TRIP12: variants seen among roughly 807,000 people sequenced by gnomAD.
TRIP12 encodes thyroid hormone receptor interactor 12, also known as E3 ubiquitin-protein ligase TRIP12.
A neutral mutation model predicts 244.2 loss-of-function variants in TRIP12; 25 were observed. That is an observed-to-expected ratio of 0.10 (90% confidence interval 0.07 to 0.14). The LOEUF (loss-of-function observed/expected upper bound fraction) is 0.14. Ranked by LOEUF, TRIP12 falls within the 10% of genes least tolerant of loss-of-function variation. TRIP12 has a pLI of 1.00. For missense variants in TRIP12, 1,677 were observed against 2,486.4 expected, an observed-to-expected ratio of 0.67 and a Z score of 6.92; for synonymous variants, 905 against 873.1, an observed-to-expected ratio of 1.04 and a Z score of -0.64.
intron 1 of TRIP12, among the ~76,000 whole-genome samples, chr2:229,888,576 A>C (rs1309750716): frequency 6.6e-6 from 1 of 152,116 alleles, no homozygotes; most frequent in African/African-American, 2.4e-5. Flanking sequence ...AAAACTCAAA[A>C]ATGTCCATCA....
intron 27 of TRIP12, 150 bp from the exon 28 acceptor site, chr2:229,792,376 G>C: frequency 1.3e-6 from 1 of 777,062 alleles, no homozygotes; most frequent in Non-Finnish European, 2.1e-6. Flanking sequence ...AAGTGTTTTA[G>C]ATTTCAAATT....
chr2:229,901,227 C>G (rs1002340128), intron 1 of TRIP12, among the ~76,000 whole-genome samples: 1 of 151,836 alleles, frequency 6.6e-6, no homozygotes, highest in Non-Finnish European at 1.5e-5. Flanking sequence ...AGCCACCACA[C>G]CCGGCTCAAT....
At chr2:229,870,618 A>G (rs906211608) in intron 2 of TRIP12, among the ~76,000 whole-genome samples, 1 of 152,236 alleles carries the variant, frequency 6.6e-6, no homozygotes, top group Non-Finnish European at 1.5e-5. Context: ...ACAGAAGGCA[A>G]GCATTTTAAA....
chr2:229,920,018 C>G (rs987035249), intron 1 of TRIP12, among the ~76,000 whole-genome samples: 7 of 152,246 alleles, frequency 4.6e-5, no homozygotes, highest in African/African-American at 1.7e-4. Context: ...CAATAAAATC[C>G]TCTACAATTT....
chr2:229,774,602 A>C (rs975392194), intron 37 of TRIP12, among the ~76,000 whole-genome samples: 1 of 152,220 alleles, frequency 6.6e-6, no homozygotes, highest in Non-Finnish European at 1.5e-5. Context: ...CAAACTTTTC[A>C]TAAATTCTAG....
In TRIP12 at chr2:229,767,385, A is replaced by G. The variant is rs569305745; in HGVS notation, c.*169T>C. The G allele has an allele frequency of 5.8e-5, 39 of 677,376 alleles. No homozygotes were observed. The highest frequency in any genetic ancestry group is 8.0e-5 in the Non-Finnish European group (36 of 447,748). 42.0% of individuals were successfully genotyped at this position (677,376 alleles called of 1,614,324 possible). A position where few individuals can be genotyped will look rare whatever the true frequency, so the allele number is the denominator to read the frequency against. On this transcript the variant is annotated 3_prime_UTR_variant, in exon 42 of 42. Coordinates refer to ENST00000675903, the MANE Select transcript of TRIP12 (RefSeq NM_001348323.3). The stretch of plus-strand genomic sequence containing the variant: ...TTTAGGGCCTGATCACTTTAAGTCC[A>G]TGGGGCCATTAATGAATATCAACCA...
chr2:229,795,183 C>T lies in TRIP12; in HGVS notation c.3964G>A (p.Gly1322Ser), dbSNP rs369589460. Residue 1322 changes from glycine (G) to serine (S), a missense_variant, in exon 26 of 42, where the codon GGC becomes AGC. Gly to Ser is a moderately conservative substitution (Grantham distance 56). This residue lies in a region of TRIP12 where 265 missense variants were observed against 370.8 expected (regional missense o/e 0.71). Transcript: ENST00000675903. ...HDFPSGNGTG[G>S]SFSLNRGSQA... is the part of the protein sequence containing the mutation. The stretch of plus-strand genomic sequence containing the variant: ...TAGCCAGGCAATGGTCCTTACCTGC[C>T]TCCTGTCCCATTTCCACTAGGGAAA... 2.5e-6 allele frequency: 4 copies of T among 1,613,482 alleles called. No homozygotes were observed. In the African/African-American group the frequency reaches 5.3e-5, roughly 22 times the overall value.
intron 7 of TRIP12, 138 bp downstream of exon 7, chr2:229,830,617 TA>T: frequency 1.6e-6 from 1 of 635,354 alleles, no homozygotes; most frequent in Non-Finnish European, 2.5e-6. Context: ...AAATTGCTAC[TA>T]AAAATTTTTT....
At chr2:229,909,194 T>TA (rs2073732334) in intron 1 of TRIP12, among the ~76,000 whole-genome samples, 1 of 152,146 alleles carries the variant, frequency 6.6e-6, no homozygotes, top group African/African-American at 2.4e-5. Context: ...TATATATCTT[T>TA]ATAATCCTAA....
chr2:229,790,399 T>C (rs561162860), intron 30 of TRIP12, among the ~76,000 whole-genome samples: 1 of 151,970 alleles, frequency 6.6e-6, no homozygotes, highest in Admixed American at 6.6e-5. Context: ...ACCAAAAACA[T>C]AACAATCTCA....
chr2:229,840,865 G>A lies in TRIP12; in HGVS notation c.1090C>T (p.Arg364Trp). ...CCCGTGGTCTTTTGGCGTGTGCTCC[G>A]CCTCAAACTGGGGAGCTCAGCAGGT... ...SPPAELPSLRRSTRQKTTGSC... is the reference protein window; with the variant it reads ...SPPAELPSLRWSTRQKTTGSC... The change falls in exon 5 of 42, where the codon CGG becomes TGG. Residue 364 changes from arginine to tryptophan, a missense_variant. Arg to Trp is a moderately radical substitution (Grantham distance 101). Transcript: ENST00000675903. 1.2e-6 allele frequency: 2 copies of A among 1,609,446 alleles called. No individual in the cohort carries two copies. The highest frequency in any genetic ancestry group is 1.3e-5 in the African/African-American group (1 of 74,334).
chr2:229,803,909 A>AT, intron 19 of TRIP12, 90 bp downstream of exon 19: 2 of 1,203,730 alleles, frequency 1.7e-6, no homozygotes, highest in South Asian at 3.3e-5. Flanking sequence ...ATTTTTGTGC[A>AT]TATTTTTTCT....
chr2:229,799,059 G>T lies in TRIP12; in HGVS notation c.3308-10C>A, dbSNP rs768358276. ...GTGGTGGGGCTTTTAGCTATGAAAA[G>T]AAAAAAGAACTACAGTTAAGTCATT... On this transcript the variant is annotated splice_polypyrimidine_tract_variant and intron_variant, in intron 22 of 41. Coordinates refer to ENST00000675903, the MANE Select transcript of TRIP12 (RefSeq NM_001348323.3). 1.1e-5 allele frequency: 17 copies of T among 1,605,238 alleles called. No homozygotes were observed. Among genetic ancestry groups the T allele is most frequent in the Non-Finnish European group, 1.4e-5 (17 of 1,177,772 alleles).
At position 229,830,849 on chromosome 2, in the gene TRIP12, G is replaced by C. The variant is rs1476500881; in HGVS notation, c.1271-10C>G. ...GCAACAGAACTAGAGGCTTGGGGTG[G>C]AGGGGAAAGATGAGGGTTAGGAGGA... On this transcript the variant is annotated splice_polypyrimidine_tract_variant and intron_variant, in intron 6 of 41. Coordinates refer to ENST00000675903, the MANE Select transcript of TRIP12 (RefSeq NM_001348323.3). 1 of 1,613,776 alleles carries C rather than the reference G, an allele frequency of 6.2e-7. No homozygotes were observed. The highest frequency in any genetic ancestry group is 8.5e-7 in the Non-Finnish European group (1 of 1,179,846).
chr2:229,821,048 T>C (rs2049914992), intron 8 of TRIP12, among the ~76,000 whole-genome samples: 1 of 152,242 alleles, frequency 6.6e-6, no homozygotes, highest in African/African-American at 2.4e-5. Flanking sequence ...AGATTGGCCT[T>C]ATTTTGTTCC....
At chr2:229,826,266 TAC>T (rs2051557290) in intron 8 of TRIP12, among the ~76,000 whole-genome samples, 1 of 152,172 alleles carries the variant, frequency 6.6e-6, no homozygotes, top group South Asian at 2.1e-4. Flanking sequence ...CTTGTTAAAA[TAC>T]AGACACTATG....
chr2:229,777,527 G>C (rs1306035713), intron 36 of TRIP12, 48 bp from the exon 37 acceptor site: 3 of 1,592,112 alleles, frequency 1.9e-6, no homozygotes, highest in Admixed American at 3.3e-5. Flanking sequence ...TGAACTTCCA[G>C]CATTACCTCC....
rs2037049951 is a variant in TRIP12 at position 229,778,551 on chromosome 2, T to C, written c.5246A>G (p.Gln1749Arg). 3 of 1,613,940 alleles carry C rather than the reference T, an allele frequency of 1.9e-6. No homozygotes were observed. The Admixed American group carries it at 5.0e-5, about 27-fold the overall frequency. The change falls in exon 36 of 42, where the codon CAG becomes CGG. Residue 1749 changes from glutamine (Q) to arginine (R), a missense_variant. Physicochemically the swap from Gln to Arg is conservative, Grantham distance 43. This residue lies in a region of TRIP12 where 171 missense variants were observed against 388.4 expected (regional missense o/e 0.44). Coordinates refer to ENST00000675903, the MANE Select transcript of TRIP12 (RefSeq NM_001348323.3). The surrounding 1 kb of genome is among the most constrained non-coding windows in gnomAD (Gnocchi z 4.1). ...QEGTKYIQNL[Q>R]GLFALPFGRT... ...ACCAAAGGGAAGCGCAAACAGGCCC[T>C]GGAGGTTTTGAATATACTTGGTCCC...
chr2:229,811,164 C>T lies in TRIP12; in HGVS notation c.2027G>A (p.Arg676His), dbSNP rs144822705. The T allele has an allele frequency of 2.3e-5, 37 of 1,613,982 alleles. No homozygotes were observed. The highest frequency in any genetic ancestry group is 3.1e-5 in the Non-Finnish European group (36 of 1,179,976). ...SVESTCLCFA[R>H]LVDNFQHEEN... ...CTCATGCTGGAAGTTGTCCACTAGG[C>T]GTGCAAAACAAAGGCAAGTGCTTTC... The change falls in exon 14 of 42, where the codon CGC (arginine) becomes CAC (histidine). Residue 676 changes from arginine to histidine, a missense_variant. Physicochemically the swap from Arg to His is conservative, Grantham distance 29 (BLOSUM62 0). Transcript: ENST00000675903.
Sources: gnomAD v4.1 joint callset for allele counts (sites outside exome capture counted in the v4.1 genomes callset) on GRCh38, gnomAD v4.1.1 for gene constraint, gnomAD v4.1.1 regional missense constraint, Gnocchi (gnomAD v3.1) non-coding constraint, MANE v1.5 for transcripts, NCBI Gene and HGNC (gene_info 2026-07-23, HGNC 2026-07-21) for gene names.